CEP112: variants seen among roughly 807,000 people sequenced by gnomAD.
CEP112 encodes centrosomal protein of 112 kDa.
In CEP112, 127 loss-of-function variants were observed where a neutral mutation model predicts 153.0. The ratio of observed to expected loss-of-function variants is 0.83; its 90% CI spans 0.72 to 0.96. The LOEUF (loss-of-function observed/expected upper bound fraction) is 0.96. Ranked by LOEUF, CEP112 falls within the 40% of genes least tolerant of loss-of-function variation. CEP112 has a pLI of 0.00. For synonymous variants in CEP112, 358 were observed against 374.4 expected, an observed-to-expected ratio of 0.96 and a Z score of 0.51; for missense variants, 1,089 against 1,101.2, an observed-to-expected ratio of 0.99 and a Z score of 0.16.
At chr17:65,944,578 AT>A (rs1024799501) in intron 18 of CEP112, among the ~76,000 whole-genome samples, 4 of 149,294 alleles carry the variant, frequency 2.7e-5, no homozygotes, top group African/African-American at 7.4e-5. Flanking sequence ...TTAAAACTCT[AT>A]TTTTTTTTTG....
chr17:65,772,459 T>C (rs935759751), intron 21 of CEP112, among the ~76,000 whole-genome samples: 2 of 152,002 alleles, frequency 1.3e-5, no homozygotes, highest in Non-Finnish European at 1.5e-5. Context: ...TAAGAAAATA[T>C]GAACATCATA....
intron 12 of CEP112, among the ~76,000 whole-genome samples, chr17:66,053,404 T>C (rs1320164805): frequency 6.6e-6 from 1 of 151,726 alleles, no homozygotes; most frequent in Non-Finnish European, 1.5e-5. Flanking sequence ...GGAGGATAGT[T>C]TGAACCCAGG....
At position 66,028,349 on chromosome 17, in the gene CEP112, T is replaced by C. The variant is rs558792706; in HGVS notation, c.1560A>G (p.Leu520=). Residue 520 remains leucine, a synonymous_variant, in exon 15 of 27, where the codon TTA becomes TTG. Transcript: ENST00000535342. The stretch of plus-strand genomic sequence containing the variant: ...GCTTTCTTTGAAGTTCTGATTCCTG[T>C]AACTGCTGTTTTAATTGACAGACAT... ...EQNVCQLKQQ[L]QESELQRKQQ... is the part of the protein sequence containing the mutation. 2 of 1,601,416 alleles carry C rather than the reference T, an allele frequency of 1.2e-6. No individual in the cohort carries two copies. The highest frequency in any genetic ancestry group is 4.5e-5 in the East Asian group (2 of 44,232).
intron 18 of CEP112, among the ~76,000 whole-genome samples, chr17:65,931,087 T>A (rs993756369): frequency 6.6e-6 from 1 of 152,212 alleles, no homozygotes; most frequent in Non-Finnish European, 1.5e-5. Flanking sequence ...AAAAGAACTA[T>A]GGCAAGTCTT....
chr17:66,112,410 T>G (rs1245623943), intron 6 of CEP112, among the ~76,000 whole-genome samples: 2 of 151,584 alleles, frequency 1.3e-5, no homozygotes, highest in African/African-American at 4.8e-5. Context: ...CTCATAAACA[T>G]ATAAAATATG....
chr17:66,129,344 A>T (rs1344651421), intron 6 of CEP112, among the ~76,000 whole-genome samples: 2 of 152,164 alleles, frequency 1.3e-5, no homozygotes, highest in Non-Finnish European at 2.9e-5. Flanking sequence ...TGTTTTCCGT[A>T]AGAGCTGCTC....
chr17:66,133,647 C>G (rs778565686), intron 4 of CEP112, among the ~76,000 whole-genome samples: 15 of 152,124 alleles, frequency 9.9e-5, no homozygotes, highest in Non-Finnish European at 1.8e-4. Flanking sequence ...CAATGCAAGT[C>G]CCATGATTAT....
chr17:65,642,238 T>C (rs1020770985), intron 24 of CEP112, among the ~76,000 whole-genome samples: 6 of 152,238 alleles, frequency 3.9e-5, no homozygotes, highest in Non-Finnish European at 7.3e-5. Flanking sequence ...GTGCATGACT[T>C]AACCAAACAT....
At chr17:66,187,517 G>GA (rs2072984057) in intron 1 of CEP112, among the ~76,000 whole-genome samples, 1 of 152,132 alleles carries the variant, frequency 6.6e-6, no homozygotes, top group Non-Finnish European at 1.5e-5. Context: ...CTGCTCCTAA[G>GA]AAACTCTTCT....
intron 23 of CEP112, among the ~76,000 whole-genome samples, chr17:65,712,694 T>C (rs2049262712): frequency 6.6e-6 from 1 of 152,202 alleles, no homozygotes; most frequent in Admixed American, 6.5e-5. Flanking sequence ...CACCAGCAAA[T>C]GTAAATAGTG....
At chr17:66,109,188 A>G (rs1414790905) in intron 6 of CEP112, among the ~76,000 whole-genome samples, 2 of 152,296 alleles carry the variant, frequency 1.3e-5, no homozygotes, top group East Asian at 3.9e-4. Flanking sequence ...AGAATGAATA[A>G]GACCTAGTAT....
At chr17:65,640,154 A>ATT (rs529025836) in intron 25 of CEP112, among the ~76,000 whole-genome samples, 27 of 78,326 alleles carry the variant, frequency 3.4e-4, no homozygotes, top group East Asian at 5.6e-4. Flanking sequence ...ATATATATAT[A>ATT]TTTTTTTTTT....
At chr17:65,830,684 C>G (rs540327334) in intron 21 of CEP112, among the ~76,000 whole-genome samples, 4 of 152,292 alleles carry the variant, frequency 2.6e-5, no homozygotes, top group African/African-American at 9.6e-5. Flanking sequence ...CTAGATTTTT[C>G]CACAAACCCC....
At chr17:65,945,175 C>T (rs1476028147) in intron 18 of CEP112, among the ~76,000 whole-genome samples, 3 of 152,196 alleles carry the variant, frequency 2.0e-5, no homozygotes, top group Admixed American at 2.0e-4. Flanking sequence ...TTCAACTTTA[C>T]ATCTGTGAAA....
chr17:65,922,395 T>C (rs1040076633), intron 19 of CEP112, among the ~76,000 whole-genome samples: 3 of 152,188 alleles, frequency 2.0e-5, no homozygotes, highest in African/African-American at 4.8e-5. Context: ...AATTATTTCT[T>C]CAATTACTTT....
chr17:66,007,273 C>T (rs1164884218), intron 16 of CEP112, among the ~76,000 whole-genome samples: 3 of 151,954 alleles, frequency 2.0e-5, no homozygotes, highest in Non-Finnish European at 4.4e-5. Flanking sequence ...CTGTAGCCAC[C>T]CTCCCCCATA....
At chr17:66,039,749 C>T (rs1352354326) in intron 12 of CEP112, among the ~76,000 whole-genome samples, 1 of 152,142 alleles carries the variant, frequency 6.6e-6, no homozygotes, top group African/African-American at 2.4e-5. Context: ...AGTTACCCTC[C>T]ACCCAAAGGT....
intron 18 of CEP112, among the ~76,000 whole-genome samples, chr17:65,932,374 C>T (rs56329569): frequency 0.065 from 9,844 of 152,098 alleles, 467 homozygotes; most frequent in African/African-American, 0.12. Flanking sequence ...AGGAAATATA[C>T]GCCACAAAAA....
At chr17:65,982,316 G>A (rs1450836623) in intron 17 of CEP112, among the ~76,000 whole-genome samples, 5 of 152,132 alleles carry the variant, frequency 3.3e-5, no homozygotes, top group Non-Finnish European at 7.4e-5. Context: ...AGAAAAATGT[G>A]CTTTATGATA....
Sources: gnomAD v4.1 joint callset for allele counts (sites outside exome capture counted in the v4.1 genomes callset) on GRCh38, gnomAD v4.1.1 for gene constraint, MANE v1.5 for transcripts, NCBI Gene and HGNC (gene_info 2026-07-23, HGNC 2026-07-21) for gene names.